ZNF787: variants seen among roughly 807,000 people sequenced by gnomAD.
ZNF787 encodes the protein zinc finger protein 787.
Under a neutral mutation model 16.9 loss-of-function variants are expected in ZNF787, and 7 were observed. The ratio of observed to expected loss-of-function variants is 0.42; its 90% CI spans 0.24 to 0.78. The LOEUF is 0.78. Ranked by LOEUF, ZNF787 falls within the 30% of genes least tolerant of loss-of-function variation. The pLI is 0.30. For missense variants in ZNF787, 551 were observed against 589.3 expected (o/e 0.94, Z 0.67); for synonymous variants, 345 against 270.9 (o/e 1.27, Z -2.69).
chr19:56,092,442 C>A (rs992070618), intron 2 of ZNF787, among the ~76,000 whole-genome samples: 3 of 152,178 alleles, frequency 2.0e-5, no homozygotes, highest in African/African-American at 7.2e-5. Flanking sequence ...CGCCTCCTGC[C>A]CCACCTGCAG....
intron 2 of ZNF787, among the ~76,000 whole-genome samples, chr19:56,096,149 C>T (rs1985858237): frequency 6.6e-6 from 1 of 151,958 alleles, no homozygotes; most frequent in Non-Finnish European, 1.5e-5. Flanking sequence ...GTCCCAACTA[C>T]TTAGGAGGCC....
At chr19:56,089,150 C>T in intron 2 of ZNF787, 58 bp from the exon 3 acceptor site, 1 of 1,331,844 alleles carries the variant, frequency 7.5e-7, no homozygotes. Flanking sequence ...TCCACGCCTG[C>T]CTTGGCTGCT....
chr19:56,105,981 T>G, intron 1 of ZNF787, among the ~76,000 whole-genome samples: 2 of 95,232 alleles, frequency 2.1e-5, no homozygotes, highest in Non-Finnish European at 2.1e-5. Context: ...TCACCGCGCA[T>G]TCCCCCCTCC....
intron 2 of ZNF787, among the ~76,000 whole-genome samples, chr19:56,099,406 G>A (rs183301420): frequency 9.5e-4 from 144 of 152,296 alleles, no homozygotes; most frequent in Middle Eastern, 3.4e-3. Flanking sequence ...GAGAGCTGGC[G>A]GAAGGGGACA....
chr19:56,115,128 C>T (rs1444594611), intron 1 of ZNF787, among the ~76,000 whole-genome samples: 2 of 151,670 alleles, frequency 1.3e-5, no homozygotes, highest in East Asian at 3.9e-4. Context: ...CCTGCCCTCC[C>T]TGAGGGTGGT....
In ZNF787 at chr19:56,087,868, C is replaced by T. The variant is rs376736234; in HGVS notation, c.*155G>A. ...GCCCTAATACGCCCCAGTGCCCCCC[C>T]ACGGACGGCGCAGGGACAGAGGAGG... is the stretch of plus-strand genomic sequence containing the variant. On this transcript the variant is annotated 3_prime_UTR_variant, in exon 3 of 3. Transcript: ENST00000610935. 5.6e-4 allele frequency: 661 copies of T among 1,188,696 alleles called. 1 individual carries two copies. The highest frequency in any genetic ancestry group is 1.6e-3 in the African/African-American group (101 of 62,092). 73.6% of individuals were successfully genotyped at this position (1,188,696 alleles called of 1,614,324 possible). A position where few individuals can be genotyped will look rare whatever the true frequency, so the allele number is the denominator to read the frequency against.
At chr19:56,111,233 G>A (rs1412077590) in intron 1 of ZNF787, among the ~76,000 whole-genome samples, 2 of 152,068 alleles carry the variant, frequency 1.3e-5, no homozygotes, top group African/African-American at 2.4e-5. Context: ...ACAGCAGAGG[G>A]GCTGAGCACC....
In ZNF787 at chr19:56,087,743, T is replaced by G. The variant is rs577620247; in HGVS notation, c.*280A>C. ...CTTGGGGCCTGGTCGCCACTCGGCC[T>G]CTGCAGTTCTCTCCATTGTCTCTCC... On this transcript the variant is annotated 3_prime_UTR_variant, in exon 3 of 3. Transcript: ENST00000610935. The G allele has an allele frequency of 3.6e-4, 109 of 305,978 alleles. 1 individual carries two copies. Among genetic ancestry groups the G allele is most frequent in the South Asian group, 2.1e-3 (15 of 7,054 alleles). The allele number at this position is 305,978 out of a possible 1,614,324, so 19.0% of individuals were successfully genotyped here.
chr19:56,108,031 G>A (rs1013415052), intron 1 of ZNF787, among the ~76,000 whole-genome samples: 35 of 152,112 alleles, frequency 2.3e-4, no homozygotes, highest in African/African-American at 8.2e-4. Flanking sequence ...TGTGGAACAT[G>A]AGGCCGGCAG....
chr19:56,090,011 G>A (rs1465160340), intron 2 of ZNF787, among the ~76,000 whole-genome samples: 3 of 152,154 alleles, frequency 2.0e-5, no homozygotes, highest in Admixed American at 2.0e-4. Flanking sequence ...CTCAGCAAGT[G>A]CATCTCTGAC....
intron 1 of ZNF787, among the ~76,000 whole-genome samples, chr19:56,106,541 A>C (rs1202631348): frequency 6.6e-6 from 1 of 152,114 alleles, no homozygotes; most frequent in Non-Finnish European, 1.5e-5. Context: ...ACAACCCTCG[A>C]CCAACCATTA....
chr19:56,099,078 C>G (rs569939499), intron 2 of ZNF787, among the ~76,000 whole-genome samples: 11 of 152,306 alleles, frequency 7.2e-5, no homozygotes, highest in Admixed American at 2.0e-4. Flanking sequence ...AGGCCAGCTG[C>G]CCGAGAACAT....
chr19:56,106,870 C>T (rs946849753), intron 1 of ZNF787, among the ~76,000 whole-genome samples: 1 of 78,534 alleles, frequency 1.3e-5, no homozygotes, highest in Non-Finnish European at 2.8e-5. Context: ...GCACCACACA[C>T]CTCCTTGGCA....
intron 2 of ZNF787, among the ~76,000 whole-genome samples, chr19:56,093,491 G>A (rs1430629334): frequency 6.6e-6 from 1 of 152,108 alleles, no homozygotes; most frequent in East Asian, 1.9e-4. Flanking sequence ...TGTTTTCTCG[G>A]CTGCATCCCC....
chr19:56,118,763 C>T (rs915971335), intron 1 of ZNF787, among the ~76,000 whole-genome samples: 3 of 152,160 alleles, frequency 2.0e-5, no homozygotes, highest in Admixed American at 6.5e-5. Flanking sequence ...GACACACGAA[C>T]GAGGTTTGGA....
chr19:56,116,670 C>T (rs2030147193), intron 1 of ZNF787, among the ~76,000 whole-genome samples: 1 of 152,124 alleles, frequency 6.6e-6, no homozygotes, highest in Admixed American at 6.6e-5. Flanking sequence ...CATTCTGTGA[C>T]CCCTCTGCTG....
chr19:56,096,606 A>G (rs2123399731), intron 2 of ZNF787, among the ~76,000 whole-genome samples: 1 of 152,220 alleles, frequency 6.6e-6, no homozygotes, highest in Admixed American at 6.5e-5. Flanking sequence ...CCAGCTACTC[A>G]GGAGGCTGAG....
At chr19:56,109,572 T>G (rs1460301369) in intron 1 of ZNF787, among the ~76,000 whole-genome samples, 1 of 152,198 alleles carries the variant, frequency 6.6e-6, no homozygotes. Context: ...AGGCCTTCAC[T>G]TTCTGAAGTC....
chr19:56,114,235 G>A (rs927682036), intron 1 of ZNF787, among the ~76,000 whole-genome samples: 11 of 152,132 alleles, frequency 7.2e-5, no homozygotes, highest in African/African-American at 2.2e-4. Flanking sequence ...CTGATGCACC[G>A]ACAGGCTCAG....
Sources: allele counts gnomAD v4.1 joint callset (sites outside exome capture counted in the v4.1 genomes callset), GRCh38; gene constraint gnomAD v4.1.1; transcripts MANE v1.5; gene names NCBI Gene and HGNC (gene_info 2026-07-23, HGNC 2026-07-21).